Variants in LAMA3 observed in about 807,000 individuals in gnomAD.
The protein encoded by LAMA3 is laminin subunit alpha 3.
Under a neutral mutation model 402.0 loss-of-function variants are expected in LAMA3, and 281 were observed. The ratio of observed to expected loss-of-function variants is 0.70; its 90% confidence interval spans 0.63 to 0.77. LAMA3 has a LOEUF of 0.77. Among genes scored for constraint, LAMA3 ranks in the 30% least tolerant of loss-of-function variants. The probability of loss-of-function intolerance (pLI) is 0.00; values close to 1 mark genes in which losing one functional copy is unlikely to be tolerated. For missense variants in LAMA3, 3,840 were observed against 4,215.5 expected (o/e 0.91, Z 2.47); for synonymous variants, 1,431 against 1,558.4 (o/e 0.92, Z 1.93).
At chr18:23,700,002 A>C (rs1011272591) in intron 1 of LAMA3, among the ~76,000 whole-genome samples, 6 of 152,324 alleles carry the variant, frequency 3.9e-5, no homozygotes, top group Non-Finnish European at 7.4e-5. Flanking sequence ...TATAGTAATT[A>C]CGAAAATTAA....
At chr18:23,837,394 CA>C (rs1367965242) in intron 25 of LAMA3, 2 of 298,262 alleles carry the variant, frequency 6.7e-6, no homozygotes, top group Non-Finnish European at 1.3e-5. Flanking sequence ...CCTAGTTTAC[CA>C]TTATTGCCAG....
chr18:23,878,507 C>T (rs555052622), intron 39 of LAMA3, among the ~76,000 whole-genome samples: 157 of 152,330 alleles, frequency 1.0e-3, no homozygotes, highest in Admixed American at 4.8e-3. Context: ...CACACACACA[C>T]GCACACACAC....
chr18:23,815,372 C>G, intron 16 of LAMA3, 96 bp from the exon 17 acceptor site: 5 of 1,357,482 alleles, frequency 3.7e-6, no homozygotes, highest in Non-Finnish European at 5.3e-6. Context: ...CCTGGCTACA[C>G]TGCTTCCTAT....
intron 11 of LAMA3, 126 bp downstream of exon 11, chr18:23,777,745 C>T: frequency 1.3e-6 from 1 of 772,162 alleles, no homozygotes; most frequent in Non-Finnish European, 2.3e-6. Flanking sequence ...AGGTGCCTTG[C>T]AGGTGTCTCC....
At chr18:23,759,185 A>G (rs2061917468) in intron 7 of LAMA3, among the ~76,000 whole-genome samples, 3 of 151,972 alleles carry the variant, frequency 2.0e-5, no homozygotes. Flanking sequence ...AAAAATTGAA[A>G]AATTAGCCAG....
intron 12 of LAMA3, among the ~76,000 whole-genome samples, chr18:23,795,163 G>A (rs910189686): frequency 5.9e-5 from 9 of 152,162 alleles, no homozygotes; most frequent in African/African-American, 2.2e-4. Flanking sequence ...AAAAATAATT[G>A]TTTTAAATTT....
intron 7 of LAMA3, among the ~76,000 whole-genome samples, chr18:23,759,270 G>A (rs113525078): frequency 8.0e-5 from 12 of 150,232 alleles, no homozygotes; most frequent in African/African-American, 2.5e-4. Context: ...CCAAGAGTTG[G>A]TGCAGTGAGC....
chr18:23,887,402 C>G (rs1241597628), intron 41 of LAMA3, among the ~76,000 whole-genome samples: 1 of 152,130 alleles, frequency 6.6e-6, no homozygotes, highest in Non-Finnish European at 1.5e-5. Flanking sequence ...CTTTATGGCT[C>G]TTCACAAACA....
chr18:23,897,719 C>G (rs939628059), intron 44 of LAMA3, among the ~76,000 whole-genome samples: 1 of 152,184 alleles, frequency 6.6e-6, no homozygotes, highest in African/African-American at 2.4e-5. Context: ...CCTCCCTTTC[C>G]CCAAAGTAAA....
At chr18:23,707,631 A>T (rs1375425679) in intron 1 of LAMA3, among the ~76,000 whole-genome samples, 1 of 152,132 alleles carries the variant, frequency 6.6e-6, no homozygotes, top group Non-Finnish European at 1.5e-5. Flanking sequence ...GGTGTCTTTG[A>T]TGAAGCAAAC....
intron 24 of LAMA3, 117 bp downstream of exon 24, chr18:23,834,105 A>T: frequency 8.4e-7 from 1 of 1,193,468 alleles, no homozygotes; most frequent in Non-Finnish European, 1.2e-6. Flanking sequence ...AGCTCTTGAA[A>T]ACAAGCAGGT....
intron 1 of LAMA3, among the ~76,000 whole-genome samples, chr18:23,701,362 T>C (rs1283076646): frequency 1.3e-5 from 2 of 152,140 alleles, no homozygotes; most frequent in Non-Finnish European, 2.9e-5. Flanking sequence ...GAGCTGAGAA[T>C]AGGTTCTGGG....
chr18:23,717,229 T>C (rs963576495), intron 2 of LAMA3, among the ~76,000 whole-genome samples: 1 of 152,178 alleles, frequency 6.6e-6, no homozygotes, highest in Admixed American at 6.5e-5. Context: ...GTTTTCTTCC[T>C]TTTGCTGGAA....
At chr18:23,728,316 G>C (rs1275101667) in intron 2 of LAMA3, among the ~76,000 whole-genome samples, 1 of 152,114 alleles carries the variant, frequency 6.6e-6, no homozygotes, top group African/African-American at 2.4e-5. Flanking sequence ...GGTGCTCAGG[G>C]GGTAGGAGGG....
rs1474159110 is a variant in LAMA3, at chr18:23,907,556, G to T, written c.6725G>T (p.Ser2242Ile). Residue 2242 changes from serine (S) to isoleucine (I), a missense_variant, in exon 53 of 75, where the codon AGT becomes ATT. This residue lies in a region of LAMA3 where 891 missense variants were observed against 857.5 expected (regional missense o/e 1.04). Transcript: ENST00000313654. ...ATGCTTTATTTTATTTTAGAAGTCA[G>T]TCCAGCTCTCAACAACCTACAGCAA... ...MTQKKLKQEVSPALNNLQQTL... is the reference protein window; with the variant it reads ...MTQKKLKQEVIPALNNLQQTL... 6.2e-7 allele frequency: 1 copy of T among 1,610,332 alleles called. No individual in the cohort carries two copies. The highest frequency in any genetic ancestry group is 2.2e-5 in the East Asian group (1 of 44,888).
intron 2 of LAMA3, among the ~76,000 whole-genome samples, chr18:23,730,596 A>G (rs1386678543): frequency 6.6e-6 from 1 of 151,640 alleles, no homozygotes; most frequent in East Asian, 1.9e-4. Flanking sequence ...TGAACTCCTA[A>G]CCTCAGGTGA....
At chr18:23,736,844 T>A (rs1163786791) in intron 2 of LAMA3, among the ~76,000 whole-genome samples, 1 of 152,254 alleles carries the variant, frequency 6.6e-6, no homozygotes, top group Middle Eastern at 3.4e-3. Context: ...AGACCTGTCA[T>A]TGTGTGGACG....
At chr18:23,697,527 T>C (rs1034093148) in intron 1 of LAMA3, among the ~76,000 whole-genome samples, 1 of 152,144 alleles carries the variant, frequency 6.6e-6, no homozygotes, top group African/African-American at 2.4e-5. Context: ...TGGTACACCA[T>C]ACAGGTTGGG....
At chr18:23,878,232 T>C (rs2064786756) in intron 39 of LAMA3, among the ~76,000 whole-genome samples, 1 of 152,258 alleles carries the variant, frequency 6.6e-6, no homozygotes, top group African/African-American at 2.4e-5. Flanking sequence ...AGTCACCCAC[T>C]GAAAGGAAAA....
Sources: gnomAD v4.1 joint callset for allele counts (sites outside exome capture counted in the v4.1 genomes callset) on GRCh38, gnomAD v4.1.1 for gene constraint, gnomAD v4.1.1 regional missense constraint, MANE v1.5 for transcripts, NCBI Gene and HGNC (gene_info 2026-07-23, HGNC 2026-07-21) for gene names.